Variants in PTER observed in about 807,000 individuals in gnomAD.
PTER encodes phosphotriesterase related, also known as N-acetyltaurine hydrolase.
A neutral mutation model predicts 29.6 loss-of-function variants in PTER; 38 were observed. That is an observed-to-expected ratio of 1.28 (90% confidence interval 0.99 to 1.68). The LOEUF is 1.68. Ranked by LOEUF, PTER falls within the 40% of genes most tolerant of loss-of-function variation. The pLI is 0.00. For missense variants in PTER, 482 were observed against 427.8 expected, an observed-to-expected ratio of 1.13 and a Z score of -1.12; for synonymous variants, 172 against 154.5, an observed-to-expected ratio of 1.11 and a Z score of -0.84.
At chr10:16,507,372 G>T (rs908946029) in intron 4 of PTER, among the ~76,000 whole-genome samples, 13 of 152,076 alleles carry the variant, frequency 8.5e-5, no homozygotes, top group African/African-American at 2.9e-4. Flanking sequence ...GGGAGCAGTA[G>T]TTCCCTATGA....
chr10:16,456,190 C>T (rs1211187066), intron 1 of PTER, among the ~76,000 whole-genome samples: 3 of 152,174 alleles, frequency 2.0e-5, no homozygotes, highest in African/African-American at 4.8e-5. Flanking sequence ...CTCTAAAATA[C>T]GTACATTCTT....
chr10:16,503,433 C>A (rs1038623416), intron 3 of PTER, among the ~76,000 whole-genome samples: 6 of 151,850 alleles, frequency 4.0e-5, no homozygotes, highest in Non-Finnish European at 1.5e-5. Flanking sequence ...GAGACAGAGT[C>A]TCACTCTGTT....
At chr10:16,466,363 ATTGT>A (rs1407962710) in intron 1 of PTER, among the ~76,000 whole-genome samples, 18 of 150,290 alleles carry the variant, frequency 1.2e-4, no homozygotes, top group African/African-American at 3.2e-4. Flanking sequence ...ATCTGCACTG[ATTGT>A]TTGTTTGAGA....
At chr10:16,514,720 G>A (rs1836921180), downstream of PTER, 1 of 1,596,990 alleles carries the variant, frequency 6.3e-7, no homozygotes, top group Non-Finnish European at 8.5e-7. Context: ...ATGTGAAACA[G>A]ACAAGAATTA....
intron 4 of PTER, among the ~76,000 whole-genome samples, chr10:16,508,696 A>ATG (rs1836692526): frequency 6.6e-6 from 1 of 152,134 alleles, no homozygotes; most frequent in Admixed American, 6.5e-5. Context: ...GTATATATAT[A>ATG]TAAAATACCT....
intron 3 of PTER, among the ~76,000 whole-genome samples, chr10:16,490,865 C>T (rs760458974): frequency 6.6e-6 from 1 of 151,630 alleles, no homozygotes; most frequent in Non-Finnish European, 1.5e-5. Context: ...TTACTTCTAC[C>T]ACAGTAGTAT....
intron 3 of PTER, among the ~76,000 whole-genome samples, chr10:16,493,012 G>A (rs921720183): frequency 6.6e-6 from 1 of 152,124 alleles, no homozygotes; most frequent in Admixed American, 6.6e-5. Context: ...AAGAGAGTGG[G>A]ATATCACATC....
chr10:16,494,256 C>T (rs999667930), intron 3 of PTER, among the ~76,000 whole-genome samples: 9 of 152,124 alleles, frequency 5.9e-5, no homozygotes, highest in African/African-American at 1.4e-4. Context: ...CTTTGTAATT[C>T]GGAGCCAACT....
At chr10:16,515,203 A>G (rs1043064801), downstream of PTER, among the ~76,000 whole-genome samples, 2 of 150,792 alleles carry the variant, frequency 1.3e-5, no homozygotes, top group Non-Finnish European at 2.9e-5. Context: ...GGAAAATACC[A>G]ACTCCTCTAC....
chr10:16,490,773 A>G (rs565846401), intron 3 of PTER, among the ~76,000 whole-genome samples: 1 of 151,336 alleles, frequency 6.6e-6, no homozygotes, highest in South Asian at 2.1e-4. Context: ...ATCTATTTAC[A>G]GTTAGACATG....
intron 3 of PTER, among the ~76,000 whole-genome samples, chr10:16,495,183 T>C (rs1008248494): frequency 3.0e-5 from 4 of 134,064 alleles, no homozygotes; most frequent in African/African-American, 8.1e-5. Context: ...TTTTTTTTTT[T>C]TTTTTGAGAC....
At chr10:16,479,485 T>A (rs1265062896) in intron 1 of PTER, among the ~76,000 whole-genome samples, 1 of 145,284 alleles carries the variant, frequency 6.9e-6, no homozygotes. Context: ...AAACAAGCTT[T>A]AAAAAAAAAA....
In PTER at chr10:16,466,239, G is replaced by T. The variant is rs182083389; in HGVS notation, c.-48-18098G>T. Among the ~76,000 whole-genome samples the T allele has an allele frequency of 2.5e-3, 383 of 152,050 alleles. 1 individual carries two copies. The highest frequency in any genetic ancestry group is 4.0e-3 in the Non-Finnish European group (270 of 67,998). On this transcript the variant is annotated intron_variant, in intron 1 of 4. Coordinates refer to ENST00000535784, the MANE Select transcript of PTER (RefSeq NM_001261836.2). ...CAGAGCAAGGCAAGGGCTAGAGTCA[G>T]AATGGAAAAGTCTCTGAGCTCCCTG...
chr10:16,449,066 T>C (rs1176952473), intron 1 of PTER, among the ~76,000 whole-genome samples: 1 of 152,226 alleles, frequency 6.6e-6, no homozygotes, highest in African/African-American at 2.4e-5. Context: ...TGAACAGGGA[T>C]GTGGTGGGAA....
At position 16,504,872 on chromosome 10, in the gene PTER, C is replaced by G. The variant is rs934994926; in HGVS notation, c.699-148C>G. Reference sequence around the variant, plus strand: ...CAAATTGAACTTACTGTTTTATACTCACATCATTAAGAGCCATTTCAGAAG... The same window carrying G: ...CAAATTGAACTTACTGTTTTATACTGACATCATTAAGAGCCATTTCAGAAG... On this transcript the variant is annotated intron_variant, in intron 3 of 4. Transcript: ENST00000535784. 8.8e-6 allele frequency: 7 copies of G among 795,748 alleles called. No individual in the cohort carries two copies. In the Admixed American group the frequency reaches 1.9e-4, roughly 22 times the overall value. The allele number at this position is 795,748 out of a possible 1,614,324, so 49.3% of individuals were successfully genotyped here. A position where few individuals can be genotyped will look rare whatever the true frequency, so the allele number is the denominator to read the frequency against.
At chr10:16,490,781 A>G (rs1207683140) in intron 3 of PTER, among the ~76,000 whole-genome samples, 2 of 151,424 alleles carry the variant, frequency 1.3e-5, no homozygotes, top group Non-Finnish European at 2.9e-5. Context: ...ACAGTTAGAC[A>G]TGTATGTAAG....
At chr10:16,516,605 G>A (rs1836955170), downstream of PTER, among the ~76,000 whole-genome samples, 1 of 152,046 alleles carries the variant, frequency 6.6e-6, no homozygotes, top group African/African-American at 2.4e-5. Flanking sequence ...TGGTTACTGG[G>A]CTTTAACATG....
rs1460065392 is a variant in PTER, at chr10:16,498,270, A to C, written c.699-6750A>C. ...AAGCTGGGAAAGATTGGAGTAAGAAAGAATAGAATTATTCATGGATGGCCA... is the reference window on the plus strand; with the variant it reads ...AAGCTGGGAAAGATTGGAGTAAGAACGAATAGAATTATTCATGGATGGCCA... On this transcript the variant is annotated intron_variant, in intron 3 of 4. Coordinates refer to ENST00000535784, the MANE Select transcript of PTER (RefSeq NM_001261836.2). Among the ~76,000 whole-genome samples the C allele has an allele frequency of 1.3e-5, 2 of 152,348 alleles. 1 individual carries two copies. Among genetic ancestry groups the C allele is most frequent in the Middle Eastern group, 6.8e-3 (2 of 294 alleles).
rs762150789 is a variant in PTER at position 16,511,163 on chromosome 10, T to C, written c.957T>C (p.Asn319=). The part of the protein sequence containing the change: ...GGHGYSHILT[N]VVPKMLLRGI... Reference sequence around the variant, plus strand: ...ACGGCTATTCTCATATACTCACCAATGTTGTTCCTAAAATGTTGCTGAGAG... The same window carrying C: ...ACGGCTATTCTCATATACTCACCAACGTTGTTCCTAAAATGTTGCTGAGAG... The change falls in exon 5 of 5, where the codon AAT becomes AAC. Residue 319 remains asparagine (N), a synonymous_variant. Transcript: ENST00000535784. 6.2e-7 allele frequency: 1 copy of C among 1,614,122 alleles called. No individual in the cohort carries two copies. Among genetic ancestry groups the C allele is most frequent in the Non-Finnish European group, 8.5e-7 (1 of 1,180,004 alleles).
Sources: allele counts gnomAD v4.1 joint callset (sites outside exome capture counted in the v4.1 genomes callset), GRCh38; gene constraint gnomAD v4.1.1; transcripts MANE v1.5; gene names NCBI Gene and HGNC (gene_info 2026-07-23, HGNC 2026-07-21).